The following FUBP3 variants were observed in gnomAD, a reference collection of about 807,000 sequenced individuals.
FUBP3 encodes the protein far upstream element binding protein 3, also known as far upstream element-binding protein 3.
Under a neutral mutation model 85.6 loss-of-function variants are expected in FUBP3, and 28 were observed. The observed-to-expected ratio is 0.33, with a 90% CI of 0.24 to 0.45. The LOEUF (loss-of-function observed/expected upper bound fraction) is 0.45, where lower values mean the gene tolerates loss of function less well. Among genes scored for constraint, FUBP3 ranks in the 20% least tolerant of loss-of-function variants. FUBP3 has a pLI of 1.00. For synonymous variants in FUBP3, 271 were observed against 271.4 expected, an observed-to-expected ratio of 1.00 and a Z score of 0.01; for missense variants, 583 against 755.1, an observed-to-expected ratio of 0.77 and a Z score of 2.67.
At chr9:130,589,697 ATATATATAT>A (rs1275879861) in intron 1 of FUBP3, among the ~76,000 whole-genome samples, 4 of 29,964 alleles carry the variant, frequency 1.3e-4, no homozygotes, top group African/African-American at 6.4e-4. Context: ...ATATATATAT[ATATATATAT>A]TTTTTTTTTT....
At chr9:130,631,500 C>A in intron 13 of FUBP3, 57 bp from the exon 14 acceptor site, 1 of 1,508,596 alleles carries the variant, frequency 6.6e-7, no homozygotes, top group Non-Finnish European at 9.2e-7. Context: ...TGGGCCTGGG[C>A]AGAGGAAAGA....
chr9:130,590,021 A>ATTTTTTTTTTTTTTTTTTTTTT, intron 1 of FUBP3, among the ~76,000 whole-genome samples: 1 of 45,970 alleles, frequency 2.2e-5, no homozygotes, highest in Non-Finnish European at 3.5e-5. Flanking sequence ...GGCCTATTTA[A>ATTTTTTTTTTTTTTTTTTTTTT]TTTTTTTTTT....
chr9:130,622,061 G>A (rs960744298), intron 9 of FUBP3, among the ~76,000 whole-genome samples: 3 of 151,878 alleles, frequency 2.0e-5, no homozygotes, highest in Non-Finnish European at 2.9e-5. Flanking sequence ...GGTGGCTCGC[G>A]CCCATAATCC....
intron 3 of FUBP3, 92 bp downstream of exon 3, chr9:130,610,079 T>G: frequency 9.5e-7 from 1 of 1,048,938 alleles, no homozygotes; most frequent in Non-Finnish European, 1.5e-6. Context: ...AGTCAGAGGT[T>G]GAGAATGTGA....
chr9:130,603,144 C>G (rs1038853077), intron 2 of FUBP3, among the ~76,000 whole-genome samples: 3 of 152,036 alleles, frequency 2.0e-5, no homozygotes, highest in African/African-American at 7.2e-5. Flanking sequence ...GTCAAGAGTT[C>G]AAGACCAGCC....
At chr9:130,623,545 G>T in intron 10 of FUBP3, 66 bp from the exon 11 acceptor site, 2 of 1,044,692 alleles carry the variant, frequency 1.9e-6, no homozygotes, top group Non-Finnish European at 3.0e-6. Flanking sequence ...TTGGGAATCA[G>T]ATTAATCCTT....
intron 3 of FUBP3, 52 bp downstream of exon 3, chr9:130,610,039 T>G: frequency 7.6e-7 from 1 of 1,323,978 alleles, no homozygotes; most frequent in South Asian, 1.2e-5. Context: ...AATTGTTTAT[T>G]GATCCACCAT....
At chr9:130,587,444 T>C (rs994406733) in intron 1 of FUBP3, among the ~76,000 whole-genome samples, 1 of 152,086 alleles carries the variant, frequency 6.6e-6, no homozygotes, top group African/African-American at 2.4e-5. Context: ...GAGTGTCACA[T>C]TTAGGGCCTT....
Position 130,632,240 on chromosome 9 carries a change from C to A in FUBP3, c.1472C>A (p.Thr491Asn). The A allele has an allele frequency of 6.2e-7, 1 of 1,614,022 alleles. No individual in the cohort carries two copies. Among genetic ancestry groups the A allele is most frequent in the Non-Finnish European group, 8.5e-7 (1 of 1,179,940 alleles). Reference sequence around the variant, plus strand: ...TTTCTGACCCAGGGCTGGGGCAGCACCTACCAGGCGTGGCAGCAGCCCACA... The same window carrying A: ...TTTCTGACCCAGGGCTGGGGCAGCAACTACCAGGCGTGGCAGCAGCCCACA... Reference protein sequence around the residue: ...PAFLTQGWGSTYQAWQQPTQQ... With the variant: ...PAFLTQGWGSNYQAWQQPTQQ... Residue 491 changes from threonine to asparagine, a missense_variant, in exon 16 of 19, where the codon ACC becomes AAC. Transcript: ENST00000319725.
At chr9:130,614,181 C>T (rs1174135922) in intron 5 of FUBP3, 107 bp from the exon 6 acceptor site, 1 of 635,292 alleles carries the variant, frequency 1.6e-6, no homozygotes, top group South Asian at 2.1e-5. Context: ...GGAGCCTGGG[C>T]CTCTGCAGGG....
At chr9:130,606,130 T>C (rs553007609) in intron 2 of FUBP3, among the ~76,000 whole-genome samples, 34 of 152,310 alleles carry the variant, frequency 2.2e-4, no homozygotes, top group African/African-American at 7.0e-4. Flanking sequence ...TTTGTGGCCC[T>C]GGAGCAAGAG....
chr9:130,633,260 T>G (rs1439861901), intron 16 of FUBP3, among the ~76,000 whole-genome samples: 1 of 152,276 alleles, frequency 6.6e-6, no homozygotes, highest in African/African-American at 2.4e-5. Flanking sequence ...TATCTTATTA[T>G]GAAACGTTTC....
chr9:130,595,498 G>A lies in FUBP3; in HGVS notation c.100G>A (p.Asp34Asn). ...HRVRQIAAKI[D>N]SIPHLNNSTP... is the part of the protein sequence containing the mutation. ...CTCTCTGTAGATTGCTGCTAAAATTGATTCAATTCCTCACTTGAATAATTC... is the reference window on the plus strand; with the variant it reads ...CTCTCTGTAGATTGCTGCTAAAATTAATTCAATTCCTCACTTGAATAATTC... Residue 34 changes from aspartate to asparagine, a missense_variant, in exon 2 of 19, where the codon GAT becomes AAT. Coordinates refer to ENST00000319725, the MANE Select transcript of FUBP3 (RefSeq NM_003934.2). The A allele has an allele frequency of 6.5e-7, 1 of 1,545,524 alleles. No homozygotes were observed. The highest frequency in any genetic ancestry group is 8.9e-7 in the Non-Finnish European group (1 of 1,117,570).
At chr9:130,589,675 G>GTGTGTGTATGTATATATATATATA (rs869282275) in intron 1 of FUBP3, among the ~76,000 whole-genome samples, 1 of 34,312 alleles carries the variant, frequency 2.9e-5, no homozygotes, top group African/African-American at 1.3e-4. Context: ...GTATGTGTGT[G>GTGTGTGTATGTATATATATATATA]TATATATATA....
At chr9:130,598,611 A>G (rs772750039) in intron 2 of FUBP3, among the ~76,000 whole-genome samples, 4 of 152,244 alleles carry the variant, frequency 2.6e-5, no homozygotes, top group Non-Finnish European at 5.9e-5. Flanking sequence ...AATCATCCCT[A>G]TTTGGCCTAG....
intron 1 of FUBP3, chr9:130,582,233 T>A (rs1830158578): frequency 6.6e-6 from 1 of 152,182 alleles, no homozygotes; most frequent in African/African-American, 2.4e-5. Context: ...GGAGGATGGC[T>A]TGAGCTCAGG....
At chr9:130,625,875 A>T (rs1315803995) in intron 11 of FUBP3, among the ~76,000 whole-genome samples, 1 of 152,190 alleles carries the variant, frequency 6.6e-6, no homozygotes, top group Non-Finnish European at 1.5e-5. Context: ...AAATCCGTTT[A>T]TCCTTCTTGC....
At chr9:130,604,241 T>A (rs1035074265) in intron 2 of FUBP3, among the ~76,000 whole-genome samples, 1 of 152,182 alleles carries the variant, frequency 6.6e-6, no homozygotes, top group African/African-American at 2.4e-5. Context: ...GGGGGTCACC[T>A]AAGATCACAG....
At chr9:130,580,467 TAC>T (rs1278053964) in intron 1 of FUBP3, among the ~76,000 whole-genome samples, 1 of 152,194 alleles carries the variant, frequency 6.6e-6, no homozygotes, top group Non-Finnish European at 1.5e-5. Flanking sequence ...CAAAAATACT[TAC>T]TGGCTTCTGG....
Sources: gnomAD v4.1 joint callset for allele counts (sites outside exome capture counted in the v4.1 genomes callset) on GRCh38, gnomAD v4.1.1 for gene constraint, MANE v1.5 for transcripts, NCBI Gene and HGNC (gene_info 2026-07-23, HGNC 2026-07-21) for gene names.